TRAPPC2L: variants seen among roughly 807,000 people sequenced by gnomAD.
TRAPPC2L encodes the protein trafficking protein particle complex subunit 2L, also known as trafficking protein particle complex subunit 2-like protein.
Under a neutral mutation model 13.2 loss-of-function variants are expected in TRAPPC2L, and 17 were observed. The observed-to-expected ratio is 1.29, with a 90% confidence interval of 0.88 to 1.93. The LOEUF (loss-of-function observed/expected upper bound fraction) is 1.93, where lower values mean the gene tolerates loss of function less well. Ranked by LOEUF, TRAPPC2L falls within the 30% of genes most tolerant of loss-of-function variation. The probability of loss-of-function intolerance (pLI) is 0.00; values close to 1 mark genes in which losing one functional copy is unlikely to be tolerated. For missense variants in TRAPPC2L, 359 were observed against 252.1 expected (o/e 1.42, Z -2.87); for synonymous variants, 150 against 98.1 (o/e 1.53, Z -3.12).
At chr16:88,858,841 T>G in intron 2 of TRAPPC2L, 50 bp downstream of exon 2, 1 of 1,564,012 alleles carries the variant, frequency 6.4e-7, no homozygotes, top group Non-Finnish European at 8.7e-7. Flanking sequence ...AGTTGCAAGA[T>G]GTACTTTAGG....
chr16:88,858,581 A>C (rs1318566074), intron 1 of TRAPPC2L, 38 bp from the exon 2 acceptor site: 1 of 1,601,684 alleles, frequency 6.2e-7, no homozygotes, highest in East Asian at 2.2e-5. Context: ...CGCTGGGTGG[A>C]GTCTTGTCCT....
exon 4 of TRAPPC2L, chr16:88,861,287 G>A (rs1294767047): frequency 4.9e-6 from 2 of 408,074 alleles, no homozygotes; most frequent in Non-Finnish European, 9.2e-6. Context: ...TGAGCCTGCA[G>A]GACCTGTGAC....
chr16:88,859,612 C>T (rs764170697), intron 2 of TRAPPC2L, 51 bp from the exon 3 acceptor site: 6 of 1,556,698 alleles, frequency 3.9e-6, no homozygotes, highest in South Asian at 3.3e-5. Flanking sequence ...ACAGAGGGCC[C>T]TCCACCGGCA....
chr16:88,859,124 A>G (rs991263728), intron 2 of TRAPPC2L: 3 of 445,344 alleles, frequency 6.7e-6, no homozygotes, highest in African/African-American at 6.0e-5. Flanking sequence ...TGAGCAGGGG[A>G]TAATAGTTTC....
rs752232543 is a variant in TRAPPC2L at position 88,859,699 on chromosome 16, C to T, written c.243C>T (p.Val81=). The T allele has an allele frequency of 6.8e-6, 11 of 1,614,034 alleles. 1 individual carries two copies. In the South Asian group the frequency reaches 1.2e-4, roughly 18 times the overall value. Residue 81 remains valine, a synonymous_variant, in exon 3 of 4, where the codon GTC becomes GTT. Coordinates refer to ENST00000565504, the Ensembl canonical transcript of TRAPPC2L. ...TCACCAACTCCAAGGTGAAGTTTGTCATGGTGGTAGATTCCTCCAACACAG... is the reference window on the plus strand; with the variant it reads ...TCACCAACTCCAAGGTGAAGTTTGTTATGGTGGTAGATTCCTCCAACACAG...
At chr16:88,856,564 C>A (rs903582896), upstream of TRAPPC2L, 28 of 641,484 alleles carry the variant, frequency 4.4e-5, no homozygotes, top group African/African-American at 6.0e-4. Context: ...GGGGCCTCCC[C>A]CTCCCCGCAC....
chr16:88,856,917 A>G, upstream of TRAPPC2L: 2 of 1,486,476 alleles, frequency 1.3e-6, no homozygotes, highest in Non-Finnish European at 1.8e-6. Context: ...CAGCGAGCCG[A>G]CCTAGCGAGC....
chr16:88,859,625 C>T, intron 2 of TRAPPC2L, 38 bp from the exon 3 acceptor site: 1 of 1,593,388 alleles, frequency 6.3e-7, no homozygotes, highest in Non-Finnish European at 8.6e-7. Context: ...CACCGGCAGT[C>T]CCTGTGTTAC....
exon 4 of TRAPPC2L, chr16:88,860,881 CTCTCCTCTG>C: frequency 6.3e-7 from 1 of 1,576,714 alleles, no homozygotes; most frequent in Non-Finnish European, 8.6e-7. Flanking sequence ...GAGGGCCTGG[CTCTCCTCTG>C]AGTGGGTCTG....
chr16:88,860,163 C>G (rs1158174527), exon 4 of TRAPPC2L: 1 of 713,818 alleles, frequency 1.4e-6, no homozygotes, highest in Non-Finnish European at 2.5e-6. Context: ...ACACAGATCT[C>G]CAGCGCATAA....
chr16:88,858,622 T>C, exon 2 of TRAPPC2L: 2 of 1,612,564 alleles, frequency 1.2e-6, no homozygotes, highest in African/African-American at 2.7e-5. Flanking sequence ...CTTGCAGAAT[T>C]ACCCCCTCTA....
At chr16:88,859,202 T>G (rs1968201845) in intron 2 of TRAPPC2L, 5 of 488,652 alleles carry the variant, frequency 1.0e-5, no homozygotes, top group Non-Finnish European at 1.6e-5. Context: ...ACAAATCACT[T>G]GAGGCCATGG....
chr16:88,859,156 C>T, intron 2 of TRAPPC2L: 1 of 437,546 alleles, frequency 2.3e-6, no homozygotes, highest in Non-Finnish European at 4.3e-6. Flanking sequence ...TAGGCCTTGC[C>T]TCTTATGTCA....
rs142196121 is a variant in TRAPPC2L, at chr16:88,859,671, A to G, written c.215A>G (p.Tyr72Cys). The G allele has an allele frequency of 2.4e-5, 39 of 1,614,006 alleles. No individual in the cohort carries two copies. The African/African-American group carries it at 4.3e-4, about 18-fold the overall frequency. ...CCTAACCAGCTGTGCAGATACGGCT[A>G]CGTCACCAACTCCAAGGTGAAGTTT... The change falls in exon 3 of 4, where the codon TAC becomes TGC. Residue 72 changes from tyrosine (Y) to cysteine (C), a missense_variant. By Grantham distance (194) the Tyr-to-Cys change is radical. Coordinates refer to ENST00000565504, the Ensembl canonical transcript of TRAPPC2L.
intron 1 of TRAPPC2L, among the ~76,000 whole-genome samples, chr16:88,858,394 C>A (rs180883190): frequency 6.6e-6 from 1 of 152,138 alleles, no homozygotes; most frequent in African/African-American, 2.4e-5. Flanking sequence ...TCTTTTCCGC[C>A]CACCCTACTG....
At chr16:88,859,724 G>T (rs1243491682) in exon 3 of TRAPPC2L, 13 of 1,614,026 alleles carry the variant, frequency 8.1e-6, no homozygotes, top group Non-Finnish European at 1.1e-5. Flanking sequence ...CTCCAACACA[G>T]CCCTTCGAGA....
exon 4 of TRAPPC2L, chr16:88,860,886 C>A: frequency 1.3e-6 from 2 of 1,580,066 alleles, no homozygotes; most frequent in Non-Finnish European, 1.7e-6. Flanking sequence ...CCTGGCTCTC[C>A]TCTGAGTGGG....
At chr16:88,857,008 A>AG (rs1198736435), upstream of TRAPPC2L, 4 of 1,385,926 alleles carry the variant, frequency 2.9e-6, no homozygotes, top group African/African-American at 6.1e-5. Context: ...GAGTCCGCGG[A>AG]GGGACGGGAG....
intron 1 of TRAPPC2L, among the ~76,000 whole-genome samples, chr16:88,858,067 G>T (rs2613469): frequency 6.6e-6 from 1 of 152,248 alleles, no homozygotes; most frequent in African/African-American, 2.4e-5. Context: ...CACTGTATTT[G>T]TGCAGGACCC....
Sources: allele counts gnomAD v4.1 joint callset (sites outside exome capture counted in the v4.1 genomes callset), GRCh38; gene constraint gnomAD v4.1.1; transcripts MANE v1.5; gene names NCBI Gene and HGNC (gene_info 2026-07-23, HGNC 2026-07-21).